PRKN: variants seen among roughly 807,000 people sequenced by gnomAD.
PRKN encodes E3 ubiquitin-protein ligase parkin.
PRKN carries 56 observed loss-of-function variants against 59.5 expected under a neutral mutation model. The ratio of observed to expected loss-of-function variants is 0.94; its 90% CI spans 0.76 to 1.18. The LOEUF is 1.18. PRKN is among the 50% of genes most tolerant of loss of function. The probability of loss-of-function intolerance (pLI) is 0.00; values close to 1 mark genes in which losing one functional copy is unlikely to be tolerated. For missense variants in PRKN, 657 were observed against 596.4 expected (o/e 1.10, Z -1.06); for synonymous variants, 250 against 222.1 (o/e 1.13, Z -1.12).
At chr6:161,790,862 T>C (rs978115881) in intron 6 of PRKN, among the ~76,000 whole-genome samples, 14 of 152,196 alleles carry the variant, frequency 9.2e-5, no homozygotes, top group African/African-American at 3.4e-4. Context: ...GAGGGAAAGC[T>C]GGAAGTAGTG....
chr6:162,726,739 A>T (rs898070573), intron 1 of PRKN, among the ~76,000 whole-genome samples: 2 of 152,172 alleles, frequency 1.3e-5, no homozygotes, highest in African/African-American at 4.8e-5. Flanking sequence ...TTTGTAAAGG[A>T]CCCTCCTCAG....
At chr6:162,535,051 T>C (rs910489282) in intron 1 of PRKN, among the ~76,000 whole-genome samples, 6 of 151,570 alleles carry the variant, frequency 4.0e-5, no homozygotes, top group African/African-American at 1.2e-4. Flanking sequence ...TCCCCAGTCC[T>C]CTTCCTGGGG....
At chr6:162,559,206 C>T (rs552891988) in intron 1 of PRKN, among the ~76,000 whole-genome samples, 48 of 146,090 alleles carry the variant, frequency 3.3e-4, no homozygotes, top group Non-Finnish European at 1.5e-5. Flanking sequence ...GAAACTCAAA[C>T]ATTTTTGTGT....
chr6:161,923,446 C>T (rs920898604), intron 6 of PRKN, among the ~76,000 whole-genome samples: 27 of 152,162 alleles, frequency 1.8e-4, no homozygotes, highest in Admixed American at 5.2e-4. Flanking sequence ...TCACACCCTG[C>T]CTCAATAAAT....
intron 6 of PRKN, among the ~76,000 whole-genome samples, chr6:161,939,013 T>C (rs1251884314): frequency 6.6e-6 from 1 of 152,204 alleles, no homozygotes; most frequent in Non-Finnish European, 1.5e-5. Context: ...TAAAAAATTA[T>C]ACTTTTAACA....
At chr6:162,490,995 G>A (rs531657852) in intron 1 of PRKN, among the ~76,000 whole-genome samples, 9 of 152,044 alleles carry the variant, frequency 5.9e-5, no homozygotes, top group Non-Finnish European at 1.2e-4. Flanking sequence ...TTAGCTGGGC[G>A]TGGAGGCTGA....
chr6:162,300,017 TTTTTTTA>T (rs1781869853), intron 2 of PRKN, among the ~76,000 whole-genome samples: 1 of 152,158 alleles, frequency 6.6e-6, no homozygotes. Flanking sequence ...CTCTGCTGTC[TTTTTTTA>T]ATAATACAGA....
intron 6 of PRKN, among the ~76,000 whole-genome samples, chr6:161,891,282 C>T (rs915919112): frequency 6.6e-6 from 1 of 152,106 alleles, no homozygotes; most frequent in Non-Finnish European, 1.5e-5. Flanking sequence ...CATGGGCGCC[C>T]CGAGGAAACA....
chr6:161,521,895 T>A (rs897807199), intron 9 of PRKN, among the ~76,000 whole-genome samples: 1 of 152,194 alleles, frequency 6.6e-6, no homozygotes, highest in Non-Finnish European at 1.5e-5. Flanking sequence ...ATGCACTTGA[T>A]ACTCAATCAT....
chr6:162,036,422 C>T (rs1582933873), intron 5 of PRKN, among the ~76,000 whole-genome samples: 1 of 151,948 alleles, frequency 6.6e-6, no homozygotes, highest in East Asian at 2.0e-4. Context: ...TCTTGTTGCC[C>T]AGGGTGGAGT....
At chr6:161,427,279 G>C (rs1332955284) in intron 9 of PRKN, among the ~76,000 whole-genome samples, 2 of 152,160 alleles carry the variant, frequency 1.3e-5, no homozygotes, top group Non-Finnish European at 2.9e-5. Flanking sequence ...AAAATGCTGG[G>C]ATATTACATG....
intron 1 of PRKN, among the ~76,000 whole-genome samples, chr6:162,498,830 T>TAGATTATTGTTGA: frequency 1.4e-5 from 1 of 73,022 alleles, no homozygotes; most frequent in Non-Finnish European, 3.1e-5. Flanking sequence ...TTATGAGAAT[T>TAGATTATTGTTGA]GGACAGTAGC....
At chr6:162,682,497 C>T (rs530838529) in intron 1 of PRKN, among the ~76,000 whole-genome samples, 13 of 152,062 alleles carry the variant, frequency 8.5e-5, no homozygotes, top group Non-Finnish European at 1.8e-4. Context: ...CAAATTAGTG[C>T]AAAAACAGAA....
chr6:161,454,124 A>T lies in PRKN; in HGVS notation c.1084-67247T>A, dbSNP rs994782915. ...ATTTCTTTCTTTCTGAGATGGAAGG[A>T]AACCTAAAAGTAACAATGTACACAA... On this transcript the variant is annotated intron_variant, in intron 9 of 11. Coordinates refer to ENST00000366898, the MANE Select transcript of PRKN (RefSeq NM_004562.3). This position sits in a 1 kb window ranked among gnomAD's most constrained non-coding sequence, Gnocchi z 4.6. 2.6e-5 allele frequency among the ~76,000 whole-genome samples: 4 copies of T among 152,166 alleles called. No homozygotes were observed. Among genetic ancestry groups the T allele is most frequent in the African/African-American group, 9.7e-5 (4 of 41,422 alleles).
At chr6:162,226,090 AT>A (rs1778166118) in intron 3 of PRKN, among the ~76,000 whole-genome samples, 1 of 101,754 alleles carries the variant, frequency 9.8e-6, no homozygotes, top group Non-Finnish European at 1.9e-5. Flanking sequence ...AATAATAATA[AT>A]AATAATAAAA....
At chr6:161,772,323 T>C (rs900107143) in intron 7 of PRKN, among the ~76,000 whole-genome samples, 2 of 152,188 alleles carry the variant, frequency 1.3e-5, no homozygotes, top group Non-Finnish European at 2.9e-5. Context: ...CAGGAAGATA[T>C]AGCAGGCATC....
At chr6:162,629,393 T>C (rs1238522275) in intron 1 of PRKN, among the ~76,000 whole-genome samples, 2 of 152,124 alleles carry the variant, frequency 1.3e-5, no homozygotes, top group Admixed American at 1.3e-4. Context: ...CTATATATTA[T>C]TAACTGTAGC....
intron 1 of PRKN, among the ~76,000 whole-genome samples, chr6:162,678,558 G>T (rs1238395132): frequency 2.6e-5 from 4 of 152,150 alleles, no homozygotes; most frequent in Admixed American, 6.5e-5. Flanking sequence ...AATGTTGGGG[G>T]TATCTTTGCA....
chr6:161,374,362 T>G (rs1785566301), intron 10 of PRKN, among the ~76,000 whole-genome samples: 1 of 146,998 alleles, frequency 6.8e-6, no homozygotes, highest in Admixed American at 6.8e-5. Flanking sequence ...GTGTGCGCCG[T>G]GTGTGTTGTG....
Sources: allele counts gnomAD v4.1 joint callset (sites outside exome capture counted in the v4.1 genomes callset), GRCh38; gene constraint gnomAD v4.1.1; non-coding constraint Gnocchi (gnomAD v3.1); transcripts MANE v1.5; gene names NCBI Gene and HGNC (gene_info 2026-07-23, HGNC 2026-07-21).